LIN9: variants seen among roughly 807,000 people sequenced by gnomAD.
LIN9 encodes the protein lin-9 DREAM MuvB core complex component.
In LIN9, 18 loss-of-function variants were observed where a neutral mutation model predicts 78.0. The ratio of observed to expected loss-of-function variants is 0.23; its 90% CI spans 0.16 to 0.34. The LOEUF (loss-of-function observed/expected upper bound fraction) is 0.34. LIN9 is among the 10% of genes least tolerant of loss of function. LIN9 has a pLI of 1.00. For missense variants in LIN9, 451 were observed against 644.1 expected (o/e 0.70, Z 3.25); for synonymous variants, 192 against 215.2 (o/e 0.89, Z 0.94).
At chr1:226,287,846 T>C (rs1661470310) in intron 4 of LIN9, 49 bp from the exon 5 acceptor site, 1 of 1,347,620 alleles carries the variant, frequency 7.4e-7, no homozygotes, top group Non-Finnish European at 1.0e-6. Context: ...TAAGTAAAAA[T>C]GAACATTTAT....
At chr1:226,256,791 C>G (rs1478847778) in intron 10 of LIN9, among the ~76,000 whole-genome samples, 1 of 151,856 alleles carries the variant, frequency 6.6e-6, no homozygotes, top group African/African-American at 2.4e-5. Flanking sequence ...ATCTCCTGAC[C>G]TCGTGATCTG....
chr1:226,305,439 G>A (rs1470418489), intron 1 of LIN9, among the ~76,000 whole-genome samples: 1 of 150,248 alleles, frequency 6.7e-6, no homozygotes, highest in Admixed American at 6.6e-5. Context: ...GCTGCAGTGA[G>A]CCACGATCAT....
intron 4 of LIN9, 142 bp downstream of exon 4, chr1:226,295,700 G>C: frequency 1.9e-6 from 1 of 534,364 alleles, no homozygotes; most frequent in Non-Finnish European, 3.3e-6. Context: ...CATTTTCTAG[G>C]TAACTAAAAC....
chr1:226,262,496 A>G (rs1199789237), intron 10 of LIN9, among the ~76,000 whole-genome samples: 2 of 152,232 alleles, frequency 1.3e-5, no homozygotes, highest in Non-Finnish European at 2.9e-5. Flanking sequence ...TCACCAAAGA[A>G]GATATACAGA....
chr1:226,275,546 T>C (rs1294274568), intron 7 of LIN9, among the ~76,000 whole-genome samples: 1 of 150,216 alleles, frequency 6.7e-6, no homozygotes, highest in Non-Finnish European at 1.5e-5. Flanking sequence ...ATACAAAATA[T>C]GTCGGGTGTG....
intron 7 of LIN9, among the ~76,000 whole-genome samples, chr1:226,271,933 G>A (rs1447031847): frequency 1.3e-5 from 2 of 151,476 alleles, no homozygotes; most frequent in Non-Finnish European, 1.5e-5. Flanking sequence ...TATTTGCACT[G>A]CATATCTTTT....
intron 8 of LIN9, among the ~76,000 whole-genome samples, chr1:226,267,381 C>A (rs1659999826): frequency 7.5e-6 from 1 of 134,048 alleles, no homozygotes; most frequent in Non-Finnish European, 1.5e-5. Context: ...CGAGATCACA[C>A]CACTGCACTC....
rs1657464938 is a variant in LIN9 at position 226,233,204 on chromosome 1, A to G, written c.1426-11T>C. ...TCCTTCTGCTAGACACTAAAGGGAA[A>G]AAAATTTCAAAATTTAATTGCATTA... On this transcript the variant is annotated splice_polypyrimidine_tract_variant and intron_variant, in intron 13 of 14. Coordinates refer to ENST00000681046, the MANE Select transcript of LIN9 (RefSeq NM_001366245.2). 6.3e-7 allele frequency: 1 copy of G among 1,580,078 alleles called. No homozygotes were observed. Among genetic ancestry groups the G allele is most frequent in the South Asian group, 1.2e-5 (1 of 86,312 alleles).
intron 7 of LIN9, among the ~76,000 whole-genome samples, chr1:226,275,691 C>CAAAAAAAAAAAAAAAA (rs1315376373): frequency 2.3e-5 from 1 of 43,444 alleles, no homozygotes; most frequent in African/African-American, 9.7e-5. Flanking sequence ...GACTCCGTCT[C>CAAAAAAAAAAAAAAAA]AGAAAAAAAA....
At chr1:226,236,725 G>A (rs1276382018) in intron 12 of LIN9, among the ~76,000 whole-genome samples, 1 of 152,158 alleles carries the variant, frequency 6.6e-6, no homozygotes, top group Non-Finnish European at 1.5e-5. Context: ...CCAAAGTGCT[G>A]GGATTACAGG....
chr1:226,282,681 C>T (rs1282200957), intron 6 of LIN9, among the ~76,000 whole-genome samples: 9 of 152,064 alleles, frequency 5.9e-5, no homozygotes, highest in Non-Finnish European at 8.8e-5. Context: ...ATTAGCCAGG[C>T]GTGGTGGCAG....
intron 3 of LIN9, among the ~76,000 whole-genome samples, chr1:226,297,205 A>G (rs1039928965): frequency 1.3e-5 from 2 of 151,706 alleles, no homozygotes; most frequent in Admixed American, 1.3e-4. Context: ...GTCTATCCCA[A>G]CTCCAGGACT....
rs1553283370 is a variant in LIN9, at chr1:226,289,846, TGG to T, written c.265-2051_265-2050del. Among the ~76,000 whole-genome samples the T allele has an allele frequency of 3.1e-3, 51 of 16,320 alleles. 1 individual carries two copies. The highest frequency in any genetic ancestry group is 0.011 in the African/African-American group (48 of 4,376). 10.7% of individuals were successfully genotyped at this position (16,320 alleles called of 152,430 possible). A position where few individuals can be genotyped will look rare whatever the true frequency, so the allele number is the denominator to read the frequency against. On this transcript the variant is annotated intron_variant, in intron 4 of 14. Transcript: ENST00000681046. ...CTAAGTAGTCCTCCGGGGGGGGGGG[TGG>T]GGGGGGGTGGGAAAGCTAGGTTGCA...
At chr1:226,246,251 T>C (rs1658470263) in intron 11 of LIN9, among the ~76,000 whole-genome samples, 2 of 152,232 alleles carry the variant, frequency 1.3e-5, no homozygotes, top group African/African-American at 4.8e-5. Flanking sequence ...TCTACAACTG[T>C]CCTTGTAACT....
chr1:226,300,508 A>G (rs1474419791), intron 2 of LIN9, among the ~76,000 whole-genome samples: 1 of 152,288 alleles, frequency 6.6e-6, no homozygotes, highest in East Asian at 1.9e-4. Flanking sequence ...CTGTAATCAC[A>G]TCACCACACT....
At chr1:226,248,148 GA>G (rs1253204765) in intron 11 of LIN9, among the ~76,000 whole-genome samples, 2 of 152,224 alleles carry the variant, frequency 1.3e-5, no homozygotes, top group African/African-American at 4.8e-5. Context: ...ATTCTTTAGA[GA>G]AGTGCTTCTT....
chr1:226,268,717 T>G (rs1660084252), intron 7 of LIN9, among the ~76,000 whole-genome samples: 1 of 152,214 alleles, frequency 6.6e-6, no homozygotes. Context: ...CCAGTAGAAC[T>G]CTGGTCACTG....
chr1:226,279,690 G>A (rs188334544), intron 6 of LIN9, among the ~76,000 whole-genome samples: 8 of 137,318 alleles, frequency 5.8e-5, no homozygotes, highest in African/African-American at 2.1e-4. Context: ...CGGGAGGATT[G>A]TTTGAGCCTG....
chr1:226,296,820 A>C (rs1489934775), intron 3 of LIN9, among the ~76,000 whole-genome samples: 1 of 152,042 alleles, frequency 6.6e-6, no homozygotes, highest in Non-Finnish European at 1.5e-5. Context: ...CAGGAGCTGG[A>C]AACCAGCCTG....
Sources: allele counts gnomAD v4.1 joint callset (sites outside exome capture counted in the v4.1 genomes callset), GRCh38; gene constraint gnomAD v4.1.1; transcripts MANE v1.5; gene names NCBI Gene and HGNC (gene_info 2026-07-23, HGNC 2026-07-21).